The following RSRC1 variants were observed in gnomAD, a reference collection of about 807,000 sequenced individuals.
RSRC1 encodes serine/Arginine-related protein 53.
RSRC1 carries 39 observed loss-of-function variants against 49.1 expected under a neutral mutation model. That is an observed-to-expected ratio of 0.79 (90% CI 0.61 to 1.04). The LOEUF is 1.04. Among genes scored for constraint, RSRC1 ranks in the 50% least tolerant of loss-of-function variants. The pLI is 0.00. For synonymous variants in RSRC1, 143 were observed against 130.8 expected (o/e 1.09, Z -0.63); for missense variants, 388 against 402.4 (o/e 0.96, Z 0.31).
chr3:158,118,510 C>T (rs746242995), intron 1 of RSRC1, among the ~76,000 whole-genome samples: 5 of 149,270 alleles, frequency 3.3e-5, no homozygotes, highest in Non-Finnish European at 5.9e-5. Context: ...AAATTTTAAG[C>T]TATCTGTCCT....
chr3:158,378,683 TTTCTCTGATTCTCTC>T (rs1732518990), intron 6 of RSRC1, among the ~76,000 whole-genome samples: 1 of 152,188 alleles, frequency 6.6e-6, no homozygotes, highest in Non-Finnish European at 1.5e-5. Context: ...CAGGTCTGCC[TTTCTCTGATTCTCTC>T]TTTTCTAGGA....
At chr3:158,495,863 C>G (rs1431333621) in intron 7 of RSRC1, among the ~76,000 whole-genome samples, 3 of 152,178 alleles carry the variant, frequency 2.0e-5, no homozygotes, top group Admixed American at 2.0e-4. Context: ...GCCTACAAAG[C>G]CTAAAATACT....
chr3:158,340,880 C>T (rs1350346191), intron 5 of RSRC1, among the ~76,000 whole-genome samples: 3 of 152,152 alleles, frequency 2.0e-5, no homozygotes, highest in African/African-American at 4.8e-5. Flanking sequence ...ATGCTGATAG[C>T]GATACGGACA....
chr3:158,434,220 T>G (rs1222765215), intron 6 of RSRC1, among the ~76,000 whole-genome samples: 1 of 152,036 alleles, frequency 6.6e-6, no homozygotes, highest in Non-Finnish European at 1.5e-5. Context: ...ATTCACATAT[T>G]CTTTTATAGC....
intron 4 of RSRC1, among the ~76,000 whole-genome samples, chr3:158,256,944 A>T (rs1466024257): frequency 1.3e-5 from 2 of 151,944 alleles, no homozygotes; most frequent in Admixed American, 6.6e-5. Context: ...TATTGCACCT[A>T]TTTAATTCTT....
intron 6 of RSRC1, among the ~76,000 whole-genome samples, chr3:158,426,548 T>G (rs770969092): frequency 2.0e-5 from 3 of 151,656 alleles, no homozygotes; most frequent in Non-Finnish European, 4.4e-5. Flanking sequence ...CACTACCAGA[T>G]GATAATAAGA....
chr3:158,437,233 C>A (rs1318908029), intron 6 of RSRC1, among the ~76,000 whole-genome samples: 2 of 151,720 alleles, frequency 1.3e-5, no homozygotes, highest in Non-Finnish European at 2.9e-5. Context: ...TTGCTATTTG[C>A]TATTTTGATG....
intron 7 of RSRC1, among the ~76,000 whole-genome samples, chr3:158,471,299 T>C (rs1188222046): frequency 2.0e-5 from 3 of 152,210 alleles, no homozygotes; most frequent in South Asian, 2.1e-4. Flanking sequence ...AGTAACATGG[T>C]GACTTTGGGT....
intron 4 of RSRC1, among the ~76,000 whole-genome samples, chr3:158,247,265 G>T (rs143489586): frequency 2.8e-3 from 425 of 152,170 alleles, no homozygotes; most frequent in African/African-American, 9.9e-3. Flanking sequence ...GTCAGCTCCT[G>T]TATTGTTTTA....
At chr3:158,351,214 G>A (rs1451454593) in intron 5 of RSRC1, among the ~76,000 whole-genome samples, 1 of 152,104 alleles carries the variant, frequency 6.6e-6, no homozygotes, top group Non-Finnish European at 1.5e-5. Flanking sequence ...ACAAACTCAA[G>A]CCTAGAAACA....
intron 4 of RSRC1, among the ~76,000 whole-genome samples, chr3:158,226,233 C>T (rs1030982101): frequency 6.6e-6 from 1 of 151,908 alleles, no homozygotes; most frequent in African/African-American, 2.4e-5. Flanking sequence ...GGTGGGGCAA[C>T]TCTGACAGGA....
At chr3:158,145,339 T>C (rs1043350347) in intron 3 of RSRC1, among the ~76,000 whole-genome samples, 9 of 152,248 alleles carry the variant, frequency 5.9e-5, no homozygotes, top group African/African-American at 2.2e-4. Flanking sequence ...CAGTTTCAGC[T>C]TTCTACATAT....
intron 4 of RSRC1, among the ~76,000 whole-genome samples, chr3:158,211,311 A>G (rs1462904405): frequency 6.6e-6 from 1 of 152,002 alleles, no homozygotes; most frequent in Admixed American, 6.6e-5. Flanking sequence ...TTAAAACGGC[A>G]AAACCATGCC....
At chr3:158,415,938 G>A (rs1473192036) in intron 6 of RSRC1, among the ~76,000 whole-genome samples, 1 of 151,878 alleles carries the variant, frequency 6.6e-6, no homozygotes, top group East Asian at 1.9e-4. Context: ...GAAGTTTCAT[G>A]GAATTTCAGC....
chr3:158,123,740 C>A, intron 2 of RSRC1, 126 bp from the exon 3 acceptor site: 1 of 829,054 alleles, frequency 1.2e-6, no homozygotes, highest in Non-Finnish European at 1.8e-6. Flanking sequence ...TAATTTATCT[C>A]TGTTTGCTTC....
intron 6 of RSRC1, among the ~76,000 whole-genome samples, chr3:158,400,919 TTTATG>T (rs1419194221): frequency 1.3e-5 from 2 of 152,046 alleles, no homozygotes; most frequent in Admixed American, 6.6e-5. Flanking sequence ...GCAAGCTCCA[TTTATG>T]TTAAGTGTCC....
At chr3:158,445,804 CAG>C (rs1262373568) in intron 6 of RSRC1, among the ~76,000 whole-genome samples, 1 of 152,016 alleles carries the variant, frequency 6.6e-6, no homozygotes, top group Non-Finnish European at 1.5e-5. Flanking sequence ...GAAATTAAAT[CAG>C]AACATCAATG....
At chr3:158,128,199 A>G (rs1715757320) in intron 3 of RSRC1, among the ~76,000 whole-genome samples, 1 of 152,198 alleles carries the variant, frequency 6.6e-6, no homozygotes, top group South Asian at 2.1e-4. Context: ...CAGAAAAGTC[A>G]GAATGTTGGA....
intron 4 of RSRC1, among the ~76,000 whole-genome samples, chr3:158,285,682 G>T (rs1033511955): frequency 2.0e-5 from 3 of 151,944 alleles, no homozygotes; most frequent in Non-Finnish European, 4.4e-5. Context: ...CTCATGATTT[G>T]GCTCTCTGTT....
Sources: allele counts gnomAD v4.1 joint callset (sites outside exome capture counted in the v4.1 genomes callset), GRCh38; gene constraint gnomAD v4.1.1; transcripts MANE v1.5; gene names NCBI Gene and HGNC (gene_info 2026-07-23, HGNC 2026-07-21).